UGGT2: variants seen among roughly 807,000 people sequenced by gnomAD.
UGGT2 encodes UDP-glucose:glycoprotein glucosyltransferase 2.
In UGGT2, 180 loss-of-function variants were observed where a neutral mutation model predicts 192.1. The observed-to-expected ratio is 0.94, with a 90% CI of 0.83 to 1.06. The LOEUF (loss-of-function observed/expected upper bound fraction) is 1.06. UGGT2 is among the 50% of genes least tolerant of loss of function. The pLI, the probability that UGGT2 is intolerant of heterozygous loss-of-function variation, is 0.00. For missense variants in UGGT2, 1,849 were observed against 1,795.7 expected (o/e 1.03, Z -0.54); for synonymous variants, 580 against 591.0 (o/e 0.98, Z 0.27).
chr13:95,997,809 A>G (rs754356987), intron 6 of UGGT2, among the ~76,000 whole-genome samples: 3 of 152,208 alleles, frequency 2.0e-5, no homozygotes. Context: ...AAATTATTCT[A>G]AATAGTAAGT....
Position 96,053,224 on chromosome 13 carries a change from G to T in UGGT2, c.89C>A (p.Ala30Asp). Reference sequence around the variant, plus strand: ...GTGGGCAGTCACCGACTTGGACGCGGCGACCGTCCCGGAGCCGAGCTGCGA... The same window carrying T: ...GTGGGCAGTCACCGACTTGGACGCGTCGACCGTCCCGGAGCCGAGCTGCGA... The part of the protein sequence containing the change: ...WLSQLGSGTV[A>D]ASKSVTAHLA... Residue 30 changes from alanine (A) to aspartate (D), a missense_variant, in exon 1 of 39, where the codon GCC becomes GAC. Transcript: ENST00000376747. 1 of 1,540,340 alleles carries T rather than the reference G, an allele frequency of 6.5e-7. No individual in the cohort carries two copies. Among genetic ancestry groups the T allele is most frequent in the East Asian group, 2.5e-5 (1 of 40,688 alleles).
At position 95,903,098 on chromosome 13, in the gene UGGT2, T is replaced by A. The variant is rs774464400; in HGVS notation, c.2296-38A>T. On this transcript the variant is annotated intron_variant, in intron 20 of 38. Coordinates refer to ENST00000376747, the MANE Select transcript of UGGT2 (RefSeq NM_020121.4). ...TTATAGATTAAAAAGACCAGTATCA[T>A]ACATATCATTTTACAGGTGAATATA... 5 of 1,562,056 alleles carry A rather than the reference T, an allele frequency of 3.2e-6. No individual in the cohort carries two copies. In the East Asian group the frequency reaches 9.0e-5, roughly 28 times the overall value.
chr13:96,003,470 A>G (rs937155041), intron 5 of UGGT2, among the ~76,000 whole-genome samples: 2 of 152,098 alleles, frequency 1.3e-5, no homozygotes, highest in Non-Finnish European at 2.9e-5. Context: ...TCTCACCAGG[A>G]AATTGAGTCT....
chr13:95,910,079 C>T (rs1039773359), intron 20 of UGGT2, among the ~76,000 whole-genome samples: 3 of 152,132 alleles, frequency 2.0e-5, no homozygotes, highest in African/African-American at 7.2e-5. Flanking sequence ...CTTACAAGAG[C>T]TCCTGAAGGA....
intron 38 of UGGT2, among the ~76,000 whole-genome samples, chr13:95,812,489 T>C (rs1408200878): frequency 6.6e-6 from 1 of 152,150 alleles, no homozygotes; most frequent in Non-Finnish European, 1.5e-5. Flanking sequence ...ATGCAAACAT[T>C]AAAAACACAA....
chr13:95,843,991 G>T (rs1453702795), intron 36 of UGGT2, among the ~76,000 whole-genome samples: 1 of 151,472 alleles, frequency 6.6e-6, no homozygotes, highest in Non-Finnish European at 1.5e-5. Flanking sequence ...ACAGAGTTTT[G>T]TTCTTGTCGC....
At chr13:96,008,134 GTT>G (rs1202046864) in intron 5 of UGGT2, among the ~76,000 whole-genome samples, 2 of 152,230 alleles carry the variant, frequency 1.3e-5, no homozygotes, top group East Asian at 3.9e-4. Context: ...GGGCAAAAAT[GTT>G]TTGTGTGAGA....
At chr13:95,991,194 G>A in intron 7 of UGGT2, 1 of 221,132 alleles carries the variant, frequency 4.5e-6, no homozygotes, top group Admixed American at 5.0e-5. Context: ...ACGTGTGCAT[G>A]TGTCTTTATA....
chr13:95,945,472 A>T (rs1229348389), intron 15 of UGGT2, among the ~76,000 whole-genome samples: 1 of 152,126 alleles, frequency 6.6e-6, no homozygotes, highest in East Asian at 1.9e-4. Context: ...TTCAAGTATA[A>T]TTTGTTTTTC....
chr13:95,948,924 T>C (rs1594413202), intron 13 of UGGT2, among the ~76,000 whole-genome samples: 1 of 152,150 alleles, frequency 6.6e-6, no homozygotes, highest in African/African-American at 2.4e-5. Flanking sequence ...CTCTATGCTA[T>C]TCTTGTGATA....
chr13:95,837,905 A>C (rs1315806295), intron 36 of UGGT2, among the ~76,000 whole-genome samples: 2 of 129,704 alleles, frequency 1.5e-5, no homozygotes, highest in African/African-American at 5.3e-5. Flanking sequence ...AAGATTCACA[A>C]TTTTAAGGTT....
chr13:95,901,351 T>G (rs985400985), intron 21 of UGGT2, among the ~76,000 whole-genome samples: 2 of 152,040 alleles, frequency 1.3e-5, no homozygotes, highest in African/African-American at 4.8e-5. Flanking sequence ...ATTATACTAA[T>G]CCCAGAAGAC....
At chr13:95,994,247 C>T (rs916946800) in intron 7 of UGGT2, among the ~76,000 whole-genome samples, 3 of 151,812 alleles carry the variant, frequency 2.0e-5, no homozygotes, top group African/African-American at 7.2e-5. Flanking sequence ...TTTTAAGTAT[C>T]TCATACTTTA....
At chr13:96,003,214 T>C (rs527357982) in intron 5 of UGGT2, among the ~76,000 whole-genome samples, 1 of 152,296 alleles carries the variant, frequency 6.6e-6, no homozygotes, top group East Asian at 1.9e-4. Flanking sequence ...TTGATACTGG[T>C]ACACAGTATT....
At chr13:95,883,788 T>A (rs1018087244) in intron 27 of UGGT2, among the ~76,000 whole-genome samples, 1 of 152,170 alleles carries the variant, frequency 6.6e-6, no homozygotes, top group African/African-American at 2.4e-5. Flanking sequence ...CTACCACACG[T>A]ATCTTAAATT....
intron 12 of UGGT2, among the ~76,000 whole-genome samples, chr13:95,953,039 GATT>G (rs1369576954): frequency 1.3e-5 from 2 of 152,084 alleles, no homozygotes; most frequent in South Asian, 2.1e-4. Flanking sequence ...GATCTATTAT[GATT>G]ATGATTCTTA....
chr13:95,946,622 T>A (rs1219616176), intron 15 of UGGT2, among the ~76,000 whole-genome samples: 1 of 152,184 alleles, frequency 6.6e-6, no homozygotes, highest in Non-Finnish European at 1.5e-5. Context: ...CCTCCTGCCT[T>A]GGCCTCCTAA....
chr13:95,936,837 A>C (rs1416166595), intron 17 of UGGT2, 87 bp downstream of exon 17: 5 of 1,246,832 alleles, frequency 4.0e-6, no homozygotes, highest in Non-Finnish European at 3.2e-6. Context: ...TTTTTTACCA[A>C]ATCAACTTCT....
intron 20 of UGGT2, among the ~76,000 whole-genome samples, chr13:95,921,350 A>G (rs1041409937): frequency 7.0e-5 from 1 of 14,210 alleles, no homozygotes; most frequent in Non-Finnish European, 4.3e-4. Flanking sequence ...CTTAAAGTTG[A>G]AAAAAAAAAA....
Sources: allele counts gnomAD v4.1 joint callset (sites outside exome capture counted in the v4.1 genomes callset), GRCh38; gene constraint gnomAD v4.1.1; transcripts MANE v1.5; gene names NCBI Gene and HGNC (gene_info 2026-07-23, HGNC 2026-07-21).